Variants in ZMYND8 observed in about 807,000 individuals in gnomAD.
ZMYND8 encodes MYND-type zinc finger-containing chromatin reader ZMYND8.
Under a neutral mutation model 140.8 loss-of-function variants are expected in ZMYND8, and 37 were observed. The ratio of observed to expected loss-of-function variants is 0.26; its 90% CI spans 0.20 to 0.35. The LOEUF (loss-of-function observed/expected upper bound fraction) is 0.35, where lower values mean the gene tolerates loss of function less well. ZMYND8 is among the 10% of genes least tolerant of loss of function. The probability of loss-of-function intolerance (pLI) is 1.00; values close to 1 mark genes in which losing one functional copy is unlikely to be tolerated. For synonymous variants in ZMYND8, 592 were observed against 597.1 expected (o/e 0.99, Z 0.12); for missense variants, 1,068 against 1,570.0 (o/e 0.68, Z 5.40).
intron 1 of ZMYND8, chr20:47,348,162 A>G (rs1705805822): frequency 5.6e-6 from 3 of 538,910 alleles, no homozygotes; most frequent in Non-Finnish European, 1.0e-5. Context: ...TCCAGTTGTC[A>G]TGCTATTGGG....
chr20:47,340,600 C>A (rs561026365), intron 2 of ZMYND8, among the ~76,000 whole-genome samples: 1 of 151,878 alleles, frequency 6.6e-6, no homozygotes, highest in Admixed American at 6.5e-5. Flanking sequence ...TCGAGACCAG[C>A]CTGGCCAACA....
chr20:47,318,171 A>T (rs148495028), intron 2 of ZMYND8, among the ~76,000 whole-genome samples: 14 of 152,210 alleles, frequency 9.2e-5, no homozygotes, highest in Admixed American at 2.0e-4. Flanking sequence ...TGGAGACCAG[A>T]ATCAGCCCAG....
Position 47,335,784 on chromosome 20 carries a change from T to C in ZMYND8, c.85+12072A>G, listed in dbSNP as rs147651644. ...CACAGACACTGCCGACAGGATTCCA[T>C]GAACAGATGCACAGTAGAGACGATG... On this transcript the variant is annotated intron_variant, in intron 2 of 22. Transcript: ENST00000471951. Among the ~76,000 whole-genome samples, 555 of 152,270 alleles carry C rather than the reference T, an allele frequency of 3.6e-3. 2 individuals are homozygous for C. Among genetic ancestry groups the C allele is most frequent in the South Asian group, 7.0e-3 (34 of 4,830 alleles).
rs901537958 is a variant in ZMYND8, at chr20:47,261,348, G to A, written c.1621+940C>T. 3.9e-5 allele frequency among the ~76,000 whole-genome samples: 6 copies of A among 152,050 alleles called. No homozygotes were observed. The South Asian group carries it at 6.2e-4, about 16-fold the overall frequency. On this transcript the variant is annotated intron_variant, in intron 12 of 22. Coordinates refer to ENST00000471951, the MANE Select transcript of ZMYND8 (RefSeq NM_001281775.3). ...GGCCAAGAGTTCAAGACCAGCCTGGGCAACACAGCAAGACCCAATCACTAC... is the reference window on the plus strand; with the variant it reads ...GGCCAAGAGTTCAAGACCAGCCTGGACAACACAGCAAGACCCAATCACTAC...
intron 21 of ZMYND8, among the ~76,000 whole-genome samples, chr20:47,216,504 A>C (rs1180695426): frequency 7.8e-6 from 1 of 127,894 alleles, no homozygotes; most frequent in South Asian, 3.1e-4. Flanking sequence ...TCAAAAAAAA[A>C]AAAAAAAAAA....
intron 3 of ZMYND8, among the ~76,000 whole-genome samples, chr20:47,300,585 C>T (rs1464231923): frequency 6.6e-6 from 1 of 152,158 alleles, no homozygotes; most frequent in African/African-American, 2.4e-5. Flanking sequence ...CTCTAAGTAA[C>T]ATCAGTTTTG....
chr20:47,332,731 A>C (rs1482851482), intron 2 of ZMYND8, among the ~76,000 whole-genome samples: 2 of 152,126 alleles, frequency 1.3e-5, no homozygotes, highest in African/African-American at 4.8e-5. Flanking sequence ...TAAAGACAAC[A>C]CAAAAAATTT....
intron 18 of ZMYND8, among the ~76,000 whole-genome samples, chr20:47,225,964 A>G (rs1186920729): frequency 6.6e-6 from 1 of 151,974 alleles, no homozygotes; most frequent in Non-Finnish European, 1.5e-5. Flanking sequence ...TAGCCTGGCC[A>G]ACATGCTGAA....
intron 12 of ZMYND8, among the ~76,000 whole-genome samples, chr20:47,255,687 G>GTA (rs1434960729): frequency 8.8e-6 from 1 of 113,604 alleles, no homozygotes; most frequent in Non-Finnish European, 1.7e-5. Flanking sequence ...ATGTGTGTGT[G>GTA]TGTATATATA....
At chr20:47,278,091 G>A (rs1419394995) in intron 10 of ZMYND8, among the ~76,000 whole-genome samples, 2 of 152,126 alleles carry the variant, frequency 1.3e-5, no homozygotes, top group Non-Finnish European at 2.9e-5. Context: ...TCCCAGATCA[G>A]CCTCCCAAGT....
At chr20:47,310,228 GT>G (rs947254976) in intron 2 of ZMYND8, 24 bp from the exon 3 acceptor site, 2 of 1,575,750 alleles carry the variant, frequency 1.3e-6, no homozygotes, top group Admixed American at 3.9e-5. Flanking sequence ...AGGACCACAG[GT>G]TTTAAAGCAG....
In ZMYND8 at chr20:47,246,565, G is replaced by C. The variant is rs145427794; in HGVS notation, c.1775-48C>G. 5.7e-4 allele frequency: 862 copies of C among 1,520,220 alleles called. 4 individuals carry two copies. The African/African-American group carries it at 0.011, about 20-fold the overall frequency. 94.2% of individuals were successfully genotyped at this position (1,520,220 alleles called of 1,614,324 possible). Reference sequence around the variant, plus strand: ...GCATGTGGCGTAGTCACAAAATAAAGAGCAGGATGAAAAATGCAAACATTT... The same window carrying C: ...GCATGTGGCGTAGTCACAAAATAAACAGCAGGATGAAAAATGCAAACATTT... On this transcript the variant is annotated intron_variant, in intron 13 of 22. Coordinates refer to ENST00000471951, the MANE Select transcript of ZMYND8 (RefSeq NM_001281775.3).
chr20:47,330,361 C>CTTT (rs111831182), intron 2 of ZMYND8, among the ~76,000 whole-genome samples: 35 of 118,862 alleles, frequency 2.9e-4, no homozygotes, highest in South Asian at 5.5e-4. Context: ...GGGTTTTTTG[C>CTTT]TTTTTTTTTT....
chr20:47,289,930 G>A (rs1462641668), intron 7 of ZMYND8, among the ~76,000 whole-genome samples: 1 of 152,134 alleles, frequency 6.6e-6, no homozygotes, highest in Non-Finnish European at 1.5e-5. Flanking sequence ...TTTATTTTAT[G>A]CAATTATACT....
chr20:47,230,888 TTC>T (rs1223379791), intron 16 of ZMYND8, among the ~76,000 whole-genome samples: 1 of 152,136 alleles, frequency 6.6e-6, no homozygotes, highest in Non-Finnish European at 1.5e-5. Context: ...CTGATCTGCC[TTC>T]TGTCTCTCCA....
At chr20:47,335,492 C>A (rs891552328) in intron 2 of ZMYND8, among the ~76,000 whole-genome samples, 9 of 151,824 alleles carry the variant, frequency 5.9e-5, no homozygotes, top group South Asian at 2.1e-4. Flanking sequence ...GATCCACTAT[C>A]AATAGAGAAC....
chr20:47,227,298 G>A lies in ZMYND8; in HGVS notation c.2938-17C>T. 3 of 1,613,788 alleles carry A rather than the reference G, an allele frequency of 1.9e-6. No individual in the cohort carries two copies. Among genetic ancestry groups the A allele is most frequent in the Non-Finnish European group, 2.5e-6 (3 of 1,179,740 alleles). On this transcript the variant is annotated splice_polypyrimidine_tract_variant and intron_variant, in intron 17 of 22. Coordinates refer to ENST00000471951, the MANE Select transcript of ZMYND8 (RefSeq NM_001281775.3). ...CCTGCGAATCTGGAAGAGGGAGAGT[G>A]AGCGTCTTCAAAAGCTGTCTCATGC...
At chr20:47,280,134 A>G (rs937383257) in intron 10 of ZMYND8, among the ~76,000 whole-genome samples, 1 of 144,604 alleles carries the variant, frequency 6.9e-6, no homozygotes, top group Non-Finnish European at 1.6e-5. Context: ...CAAAAAAAAA[A>G]AAAAAAAAAG....
At chr20:47,314,366 G>A (rs1191682508) in intron 2 of ZMYND8, among the ~76,000 whole-genome samples, 2 of 152,110 alleles carry the variant, frequency 1.3e-5, no homozygotes, top group Non-Finnish European at 2.9e-5. Context: ...AGGTGTGGTG[G>A]TACGCTCCAG....
Sources: allele counts gnomAD v4.1 joint callset (sites outside exome capture counted in the v4.1 genomes callset), GRCh38; gene constraint gnomAD v4.1.1; transcripts MANE v1.5; gene names NCBI Gene and HGNC (gene_info 2026-07-23, HGNC 2026-07-21).